The following ZC3H12B variants were observed in gnomAD, a reference collection of about 807,000 sequenced individuals.
The protein encoded by ZC3H12B is zinc finger CCCH-type containing 12B, also known as probable ribonuclease ZC3H12B.
Under a neutral mutation model 43.9 loss-of-function variants are expected in ZC3H12B, and 7 were observed. That is an observed-to-expected ratio of 0.16 (90% CI 0.09 to 0.30). The LOEUF is 0.30. Ranked by LOEUF, ZC3H12B falls within the 10% of genes least tolerant of loss-of-function variation. The pLI is 1.00. For synonymous variants in ZC3H12B, 222 were observed against 241.7 expected (o/e 0.92, Z 0.76); for missense variants, 475 against 670.2 (o/e 0.71, Z 3.22).
chrX:65,474,446 A>G (rs919227517), intron 3 of ZC3H12B, among the ~76,000 whole-genome samples: 2 of 111,323 alleles, frequency 1.8e-5, no homozygotes, highest in African/African-American at 3.3e-5. Context: ...TTCTATAATA[A>G]AGAAAAAAAT....
chrX:65,442,054 T>C (rs951044816), intron 3 of ZC3H12B, among the ~76,000 whole-genome samples: 1 of 105,307 alleles, frequency 9.5e-6, no homozygotes, highest in African/African-American at 3.6e-5. Flanking sequence ...TGATTTTTTC[T>C]ACATTCTTTT....
At chrX:65,063,161 T>C in the ZC3H12B span, among the ~76,000 whole-genome samples, 1 of 111,783 alleles carries the variant, frequency 8.9e-6, no homozygotes, top group Non-Finnish European at 1.9e-5. Flanking sequence ...TTTCTTTCTC[T>C]TGCCTGATTG....
At chrX:65,326,496 A>T in the ZC3H12B span, among the ~76,000 whole-genome samples, 1 of 110,441 alleles carries the variant, frequency 9.1e-6, no homozygotes, top group African/African-American at 3.3e-5. Context: ...GGGTGACCAC[A>T]GGCCAGGAAT....
the ZC3H12B span, among the ~76,000 whole-genome samples, chrX:65,113,759 CA>C: frequency 9.2e-6 from 1 of 108,188 alleles, no homozygotes; most frequent in Admixed American, 1.0e-4. Flanking sequence ...AAAAACATTC[CA>C]ACTCAATGAA....
chrX:65,472,353 T>C (rs1271707116), intron 3 of ZC3H12B, among the ~76,000 whole-genome samples: 1 of 110,944 alleles, frequency 9.0e-6, no homozygotes, highest in African/African-American at 3.3e-5. Flanking sequence ...TTTCACTCTG[T>C]TGATTGTTCC....
the ZC3H12B span, among the ~76,000 whole-genome samples, chrX:65,121,534 T>A: frequency 9.0e-6 from 1 of 111,725 alleles, no homozygotes; most frequent in Non-Finnish European, 1.9e-5. Flanking sequence ...ATTTGATTCT[T>A]CTCTCTTTTC....
chrX:65,225,269 C>A, the ZC3H12B span, among the ~76,000 whole-genome samples: 1 of 112,458 alleles, frequency 8.9e-6, no homozygotes, highest in African/African-American at 3.2e-5. Flanking sequence ...CAAACAGGGT[C>A]TGGAGTGGAC....
intron 3 of ZC3H12B, among the ~76,000 whole-genome samples, chrX:65,454,067 G>T (rs1051583891): frequency 2.7e-5 from 3 of 112,301 alleles, no homozygotes; most frequent in African/African-American, 9.7e-5. Context: ...CGTGAGTGAC[G>T]CAGAAGACAA....
the ZC3H12B span, among the ~76,000 whole-genome samples, chrX:65,171,989 C>T: frequency 8.9e-6 from 1 of 112,524 alleles, no homozygotes; most frequent in Non-Finnish European, 1.9e-5. Context: ...CTTGCACTTC[C>T]TGGGTGAGGC....
At chrX:65,251,724 G>T in the ZC3H12B span, among the ~76,000 whole-genome samples, 1 of 111,332 alleles carries the variant, frequency 9.0e-6, no homozygotes, top group African/African-American at 3.3e-5. Context: ...GTTCACTCAT[G>T]ATTTGGCTGT....
chrX:65,117,496 T>C, the ZC3H12B span, among the ~76,000 whole-genome samples: 1 of 112,105 alleles, frequency 8.9e-6, no homozygotes, highest in Admixed American at 9.4e-5. Flanking sequence ...AAAAATTTTC[T>C]CCCATTCTGT....
chrX:65,379,869 G>C (rs953474466), intron 2 of ZC3H12B, among the ~76,000 whole-genome samples: 2 of 111,765 alleles, frequency 1.8e-5, no homozygotes, highest in African/African-American at 6.5e-5. Context: ...GATGGAAGAT[G>C]AAATGAATGA....
chrX:65,383,661 C>G (rs1375101704), intron 2 of ZC3H12B, among the ~76,000 whole-genome samples: 1 of 110,724 alleles, frequency 9.0e-6, no homozygotes, highest in African/African-American at 3.3e-5. Flanking sequence ...TCAGAGTGAA[C>G]AGGCCACCTA....
the ZC3H12B span, among the ~76,000 whole-genome samples, chrX:65,184,128 C>T: frequency 9.0e-6 from 1 of 110,928 alleles, no homozygotes; most frequent in Admixed American, 9.7e-5. Flanking sequence ...ATGTTAGTTG[C>T]CTTCCTCTTC....
At chrX:65,250,731 T>C in the ZC3H12B span, among the ~76,000 whole-genome samples, 1 of 112,307 alleles carries the variant, frequency 8.9e-6, no homozygotes, top group African/African-American at 3.2e-5. Context: ...TGCATAAATG[T>C]CTTCTTTTGA....
At chrX:65,104,922 A>G in the ZC3H12B span, among the ~76,000 whole-genome samples, 2 of 111,996 alleles carry the variant, frequency 1.8e-5, 1 homozygote, top group South Asian at 7.6e-4. Context: ...CCAAAGGATT[A>G]TAAATCATTC....
At chrX:65,150,223 G>A in the ZC3H12B span, among the ~76,000 whole-genome samples, 16 of 110,521 alleles carry the variant, frequency 1.4e-4, no homozygotes, top group Non-Finnish European at 2.8e-4. Context: ...AAAGGTGGCA[G>A]GAATCTTCAA....
At chrX:65,317,645 C>G in the ZC3H12B span, among the ~76,000 whole-genome samples, 7 of 108,284 alleles carry the variant, frequency 6.5e-5, no homozygotes, top group African/African-American at 2.4e-4. Flanking sequence ...GTTTCCATTC[C>G]TGAGTTATTT....
chrX:65,501,746 C>G lies in ZC3H12B; in HGVS notation c.1091-43C>G, dbSNP rs1299615715. The G allele has an allele frequency of 2.8e-6, 3 of 1,084,418 alleles. No homozygotes were observed. The East Asian group carries it at 9.9e-5, about 36-fold the overall frequency. The allele number at this position is 1,084,418 out of a possible 1,213,427, so 89.4% of individuals were successfully genotyped here. On this transcript the variant is annotated intron_variant, in intron 4 of 4. Transcript: ENST00000338957. ...ACAACAGTTTTTGGCACAGAGGGTT[C>G]CATCACTGAGAGAGAGTCTTACCCC...
Sources: allele counts gnomAD v4.1 joint callset (sites outside exome capture counted in the v4.1 genomes callset), GRCh38; gene constraint gnomAD v4.1.1; transcripts MANE v1.5; gene names NCBI Gene and HGNC (gene_info 2026-07-23, HGNC 2026-07-21).